The following COL24A1 variants were observed in gnomAD, a reference collection of about 807,000 sequenced individuals.
COL24A1 encodes collagen type XXIV alpha 1 chain, also known as collagen alpha-1(XXIV) chain.
A neutral mutation model predicts 253.9 loss-of-function variants in COL24A1; 224 were observed. The observed-to-expected ratio is 0.88, with a 90% confidence interval of 0.79 to 0.99. The LOEUF (loss-of-function observed/expected upper bound fraction) is 0.99. Ranked by LOEUF, COL24A1 falls within the 50% of genes least tolerant of loss-of-function variation. The pLI is 0.00. For missense variants in COL24A1, 2,131 were observed against 2,068.5 expected (o/e 1.03, Z -0.59); for synonymous variants, 685 against 673.7 (o/e 1.02, Z -0.26).
At chr1:85,796,035 T>C (rs1670769815) in intron 47 of COL24A1, among the ~76,000 whole-genome samples, 1 of 152,200 alleles carries the variant, frequency 6.6e-6, no homozygotes, top group South Asian at 2.1e-4. Context: ...GCATTCATAA[T>C]ATTTTCCTGC....
intron 47 of COL24A1, among the ~76,000 whole-genome samples, chr1:85,813,405 G>A (rs558465982): frequency 7.0e-6 from 1 of 143,198 alleles, no homozygotes; most frequent in East Asian, 1.9e-4. Context: ...AAAGACAGAG[G>A]GAGTGGAAAA....
At chr1:85,922,043 C>T (rs1200272989) in intron 24 of COL24A1, among the ~76,000 whole-genome samples, 4 of 151,722 alleles carry the variant, frequency 2.6e-5, no homozygotes, top group Admixed American at 6.6e-5. Context: ...ATAGCTGATT[C>T]GATCTAGTGG....
intron 32 of COL24A1, among the ~76,000 whole-genome samples, chr1:85,884,689 T>G (rs1682266510): frequency 6.6e-6 from 1 of 152,202 alleles, no homozygotes; most frequent in Non-Finnish European, 1.5e-5. Context: ...GGTTTTCCTT[T>G]CCCAAAGGTC....
intron 2 of COL24A1, among the ~76,000 whole-genome samples, chr1:86,137,770 A>G (rs553162234): frequency 3.3e-5 from 5 of 152,196 alleles, no homozygotes; most frequent in Non-Finnish European, 7.4e-5. Flanking sequence ...AATTTATCCA[A>G]TAGAAATGAG....
chr1:85,848,026 T>G (rs1205423296), intron 38 of COL24A1, among the ~76,000 whole-genome samples: 1 of 152,070 alleles, frequency 6.6e-6, no homozygotes, highest in Admixed American at 6.5e-5. Context: ...AAATAACCGT[T>G]TTTTACTTTT....
intron 35 of COL24A1, among the ~76,000 whole-genome samples, chr1:85,873,696 G>A (rs1353973544): frequency 6.6e-6 from 1 of 152,094 alleles, no homozygotes; most frequent in East Asian, 1.9e-4. Flanking sequence ...TAGGGGAGGG[G>A]GAAGGGATAG....
chr1:85,741,268 T>C (rs527349291), intron 57 of COL24A1, among the ~76,000 whole-genome samples: 1 of 152,338 alleles, frequency 6.6e-6, no homozygotes, highest in East Asian at 1.9e-4. Flanking sequence ...ATTCATGGTG[T>C]TGTGTCAACT....
At chr1:85,846,504 T>C (rs945807369) in intron 39 of COL24A1, among the ~76,000 whole-genome samples, 1 of 151,880 alleles carries the variant, frequency 6.6e-6, no homozygotes, top group African/African-American at 2.4e-5. Flanking sequence ...AACAAAAATA[T>C]ATTAATATTT....
At chr1:86,137,629 A>G (rs2102361819) in intron 2 of COL24A1, among the ~76,000 whole-genome samples, 1 of 152,266 alleles carries the variant, frequency 6.6e-6, no homozygotes, top group South Asian at 2.1e-4. Context: ...TGGTGGTGTC[A>G]CCAAGACAAC....
rs1270368220 is a variant in COL24A1 at position 85,893,867 on chromosome 1, TC to T, written c.2922+1990del. Reference sequence around the variant, plus strand: ...TACATTGCCCTAGCTGGTCTTGAACTCCCAGGCTCAAGAGATCCTTCTGCCT... The same window carrying T: ...TACATTGCCCTAGCTGGTCTTGAACTCCAGGCTCAAGAGATCCTTCTGCCT... On this transcript the variant is annotated intron_variant, in intron 31 of 59. Transcript: ENST00000370571. Among the ~76,000 whole-genome samples, 6 of 152,274 alleles carry T rather than the reference TC, an allele frequency of 3.9e-5. No homozygotes were observed. In the East Asian group the frequency reaches 1.2e-3, roughly 29 times the overall value.
At chr1:85,831,365 C>T (rs1473034742) in intron 43 of COL24A1, among the ~76,000 whole-genome samples, 1 of 152,020 alleles carries the variant, frequency 6.6e-6, no homozygotes, top group Non-Finnish European at 1.5e-5. Context: ...GCTTTTCCAC[C>T]ATCCCTGTAT....
At chr1:85,766,841 C>T (rs1276707217) in intron 53 of COL24A1, among the ~76,000 whole-genome samples, 1 of 152,048 alleles carries the variant, frequency 6.6e-6, no homozygotes, top group African/African-American at 2.4e-5. Flanking sequence ...CGTGATGGCT[C>T]ACGCCTGTAA....
chr1:86,013,688 T>A (rs1327083037), intron 19 of COL24A1, among the ~76,000 whole-genome samples: 1 of 151,920 alleles, frequency 6.6e-6, no homozygotes, highest in African/African-American at 2.4e-5. Context: ...ATACAAAAAT[T>A]AGCCAGGTGT....
intron 7 of COL24A1, among the ~76,000 whole-genome samples, chr1:86,086,707 A>C (rs1703090142): frequency 6.6e-6 from 1 of 152,234 alleles, no homozygotes. Flanking sequence ...CCAAAGGAAC[A>C]GAATAATTCA....
chr1:86,141,619 T>C (rs988485015), intron 2 of COL24A1, among the ~76,000 whole-genome samples: 4 of 152,184 alleles, frequency 2.6e-5, no homozygotes, highest in African/African-American at 7.2e-5. Flanking sequence ...GACAGGTTTC[T>C]ACTTAATCAT....
chr1:86,098,806 G>T (rs1171246674), intron 5 of COL24A1, among the ~76,000 whole-genome samples: 1 of 152,072 alleles, frequency 6.6e-6, no homozygotes. Context: ...GAATAAAAAT[G>T]AACAGTCTTC....
intron 24 of COL24A1, among the ~76,000 whole-genome samples, chr1:85,938,824 C>A (rs1688466335): frequency 8.5e-6 from 1 of 118,008 alleles, no homozygotes; most frequent in Non-Finnish European, 1.9e-5. Flanking sequence ...TTGGAGTAAA[C>A]TATAAAAGCC....
intron 47 of COL24A1, among the ~76,000 whole-genome samples, chr1:85,803,412 A>G (rs906271964): frequency 6.8e-6 from 1 of 146,420 alleles, no homozygotes; most frequent in Non-Finnish European, 1.5e-5. Flanking sequence ...CCTAGGTGAC[A>G]GAGCAAGACT....
At position 86,097,497 on chromosome 1, in the gene COL24A1, C is replaced by T. The variant is rs1300233181; in HGVS notation, c.1600-5177G>A. Reference sequence around the variant, plus strand: ...TCCTCCCTCCTCCTCCTCCCTCCTCCTCCCTTCTCCTCCTCCCTCCTCCTC... The same window carrying T: ...TCCTCCCTCCTCCTCCTCCCTCCTCTTCCCTTCTCCTCCTCCCTCCTCCTC... On this transcript the variant is annotated intron_variant, in intron 5 of 59. Transcript: ENST00000370571. Among the ~76,000 whole-genome samples the T allele has an allele frequency of 6.0e-5, 2 of 33,226 alleles. 1 individual carries two copies. Among genetic ancestry groups the T allele is most frequent in the African/African-American group, 2.1e-4 (2 of 9,414 alleles). The allele number at this position is 33,226 out of a possible 152,430, so 21.8% of individuals were successfully genotyped here.
Sources: allele counts gnomAD v4.1 joint callset (sites outside exome capture counted in the v4.1 genomes callset), GRCh38; gene constraint gnomAD v4.1.1; transcripts MANE v1.5; gene names NCBI Gene and HGNC (gene_info 2026-07-23, HGNC 2026-07-21).